TRAPPC2L: variants seen among roughly 807,000 people sequenced by gnomAD.
The protein encoded by TRAPPC2L is trafficking protein particle complex subunit 2-like protein.
In TRAPPC2L, 17 loss-of-function variants were observed where a neutral mutation model predicts 13.2. The observed-to-expected ratio is 1.29, with a 90% CI of 0.88 to 1.93. The LOEUF is 1.93. TRAPPC2L is among the 30% of genes most tolerant of loss of function. TRAPPC2L has a pLI of 0.00. For missense variants in TRAPPC2L, 359 were observed against 252.1 expected, an observed-to-expected ratio of 1.42 and a Z score of -2.87; for synonymous variants, 150 against 98.1, an observed-to-expected ratio of 1.53 and a Z score of -3.12.
chr16:88,858,878 G>GA, intron 2 of TRAPPC2L, 87 bp downstream of exon 2: 1 of 1,423,320 alleles, frequency 7.0e-7, no homozygotes, highest in Non-Finnish European at 9.4e-7. Flanking sequence ...CCTTTTAGAA[G>GA]AAAAAGAGGT....
exon 1 of TRAPPC2L, chr16:88,857,169 G>A (rs1967978725): frequency 1.3e-6 from 2 of 1,582,290 alleles, no homozygotes; most frequent in Non-Finnish European, 1.7e-6. Context: ...GTGCATCGCG[G>A]TGATTGCCAA....
chr16:88,860,154 C>G (rs1968288013), exon 4 of TRAPPC2L: 1 of 714,820 alleles, frequency 1.4e-6, no homozygotes, highest in South Asian at 1.5e-5. Flanking sequence ...CCAACTCTTA[C>G]ACAGATCTCC....
At chr16:88,858,569 T>C (rs1416406929) in intron 1 of TRAPPC2L, 50 bp from the exon 2 acceptor site, 1 of 1,589,118 alleles carries the variant, frequency 6.3e-7, no homozygotes, top group Admixed American at 1.7e-5. Flanking sequence ...AGAGCTGGTG[T>C]GCGCTGGGTG....
chr16:88,861,798 G>A (rs1201438092), exon 4 of TRAPPC2L: 1 of 396,138 alleles, frequency 2.5e-6, no homozygotes, highest in African/African-American at 2.1e-5. Context: ...GGACCTTGAG[G>A]ACCCCAGAAG....
exon 3 of TRAPPC2L, chr16:88,859,674 T>C: frequency 8.7e-6 from 14 of 1,613,970 alleles, no homozygotes; most frequent in Non-Finnish European, 1.1e-5. Flanking sequence ...TACGGCTACG[T>C]CACCAACTCC....
intron 2 of TRAPPC2L, chr16:88,859,227 C>T: frequency 1.9e-6 from 1 of 519,632 alleles, no homozygotes; most frequent in Non-Finnish European, 3.7e-6. Flanking sequence ...CAAAGACCTT[C>T]CCAAAAGTCA....
At chr16:88,858,470 A>G (rs1011146529) in intron 1 of TRAPPC2L, 149 bp from the exon 2 acceptor site, 30 of 772,318 alleles carry the variant, frequency 3.9e-5, no homozygotes, top group Non-Finnish European at 6.0e-5. Context: ...GGCAGTGCCC[A>G]CTGCGGCATA....
upstream of TRAPPC2L, chr16:88,856,597 C>T (rs1298371164): frequency 9.0e-6 from 5 of 552,908 alleles, no homozygotes; most frequent in Admixed American, 2.3e-5. Context: ...CGTCCCCTCC[C>T]CCTCCTCCTC....
upstream of TRAPPC2L, chr16:88,856,475 T>C: frequency 1.4e-6 from 1 of 699,932 alleles, no homozygotes; most frequent in Non-Finnish European, 2.6e-6. Flanking sequence ...GCTGTCCCGG[T>C]CATGCAGCAC....
At chr16:88,860,993 C>G (rs776839360) in exon 4 of TRAPPC2L, 1 of 1,562,194 alleles carries the variant, frequency 6.4e-7, no homozygotes, top group South Asian at 1.2e-5. Flanking sequence ...CAGAGGAGCC[C>G]GCGCACGACT....
At chr16:88,860,824 C>T in exon 4 of TRAPPC2L, 1 of 1,413,954 alleles carries the variant, frequency 7.1e-7, no homozygotes, top group Non-Finnish European at 9.7e-7. Flanking sequence ...CCCGAGCATC[C>T]TGTGGATGGA....
exon 4 of TRAPPC2L, chr16:88,862,255 T>C (rs914349739): frequency 6.6e-6 from 1 of 152,576 alleles, no homozygotes; most frequent in African/African-American, 2.4e-5. Context: ...TTCTCTTTCC[T>C]CCGTACTAAC....
At chr16:88,857,384 G>GT (rs1484411817) in intron 1 of TRAPPC2L, 1 of 525,812 alleles carries the variant, frequency 1.9e-6, no homozygotes, top group African/African-American at 2.0e-5. Context: ...GCGCTCGCCC[G>GT]TCCCGCTGCT....
exon 4 of TRAPPC2L, chr16:88,860,345 ACAGT>A: frequency 1.5e-6 from 1 of 674,582 alleles, no homozygotes; most frequent in Non-Finnish European, 2.7e-6. Context: ...TGAATTTGGA[ACAGT>A]CAGGAACCTG....
Position 88,857,190 on chromosome 16 carries a change from A to C in TRAPPC2L, c.33+7A>C, listed in dbSNP as rs1477436676. 1.3e-6 allele frequency: 2 copies of C among 1,571,456 alleles called. No individual in the cohort carries two copies. The highest frequency in any genetic ancestry group is 1.7e-6 in the Non-Finnish European group (2 of 1,164,150). On this transcript the variant is annotated splice_region_variant and intron_variant, in intron 1 of 3. Coordinates refer to ENST00000565504, the Ensembl canonical transcript of TRAPPC2L. ...CGCGGTGATTGCCAAGGAGGTGCGTACGCGCGGCGTGGGGCGTCCGGGCTC... is the reference window on the plus strand; with the variant it reads ...CGCGGTGATTGCCAAGGAGGTGCGTCCGCGCGGCGTGGGGCGTCCGGGCTC...
chr16:88,856,892 C>A (rs746326034), upstream of TRAPPC2L: 2 of 1,502,412 alleles, frequency 1.3e-6, no homozygotes, highest in Admixed American at 4.2e-5. Flanking sequence ...ACCACGGGAG[C>A]CGCGGAGCCC....
At chr16:88,860,384 C>T in exon 4 of TRAPPC2L, 1 of 624,374 alleles carries the variant, frequency 1.6e-6, no homozygotes, top group Non-Finnish European at 2.9e-6. Context: ...TCCGAATAGT[C>T]CACAAAGTAA....
upstream of TRAPPC2L, chr16:88,856,712 TCCCCGCCCCACCCCGGCCCTG>T (rs1411669663): frequency 9.1e-5 from 39 of 428,130 alleles, no homozygotes; most frequent in Non-Finnish European, 1.6e-4. Flanking sequence ...GCCCCTCCCC[TCCCCGCCCCACCCCGGCCCTG>T]CCCCGTCCCA....
exon 4 of TRAPPC2L, chr16:88,860,427 TGTG>T: frequency 1.6e-6 from 1 of 607,858 alleles, no homozygotes; most frequent in Non-Finnish European, 2.9e-6. Flanking sequence ...ATGAGGGAAA[TGTG>T]GGGTCCATGC....
Sources: gnomAD v4.1 joint callset for allele counts on GRCh38, gnomAD v4.1.1 for gene constraint, MANE v1.5 for transcripts, NCBI Gene and HGNC (gene_info 2026-07-23, HGNC 2026-07-21) for gene names.